The following ZNF420 variants were observed in gnomAD, a reference collection of about 807,000 sequenced individuals.
The protein encoded by ZNF420 is zinc finger protein 420, also known as ATM and p53-associated KZNF protein.
Under a neutral mutation model 44.7 loss-of-function variants are expected in ZNF420, and 31 were observed. The observed-to-expected ratio is 0.69, with a 90% confidence interval of 0.52 to 0.94. ZNF420 has a LOEUF of 0.94. Ranked by LOEUF, ZNF420 falls within the 40% of genes least tolerant of loss-of-function variation. ZNF420 has a pLI of 0.00. For missense variants in ZNF420, 681 were observed against 827.9 expected (o/e 0.82, Z 2.18); for synonymous variants, 245 against 267.4 (o/e 0.92, Z 0.82).
At chr19:37,008,219 G>T (rs1360230646) in intron 1 of ZNF420, 4 of 279,492 alleles carry the variant, frequency 1.4e-5, no homozygotes, top group South Asian at 3.3e-5. Context: ...TGGGGCGGGC[G>T]GGGGGGGATG....
intron 1 of ZNF420, among the ~76,000 whole-genome samples, chr19:37,048,413 A>T (rs191345793): frequency 3.3e-5 from 5 of 152,324 alleles, no homozygotes; most frequent in Middle Eastern, 6.8e-3. Flanking sequence ...AGAAATATTG[A>T]TTTATAACTG....
rs569860885 is a variant in ZNF420, at chr19:37,121,872, C to T, written c.137-5256C>T. On this transcript the variant is annotated intron_variant, in intron 4 of 4. Transcript: ENST00000337995. ...GCCAAAAAACACATGAAAAAATGCTCATCATCACTGGCCATCAGAGAAATG... is the reference window on the plus strand; with the variant it reads ...GCCAAAAAACACATGAAAAAATGCTTATCATCACTGGCCATCAGAGAAATG... Among the ~76,000 whole-genome samples the T allele has an allele frequency of 3.9e-4, 59 of 152,324 alleles. No individual in the cohort carries two copies. In the East Asian group the frequency reaches 0.011, roughly 27 times the overall value.
intron 2 of ZNF420, among the ~76,000 whole-genome samples, chr19:37,082,883 A>C (rs1968540900): frequency 6.6e-6 from 1 of 152,240 alleles, no homozygotes; most frequent in African/African-American, 2.4e-5. Flanking sequence ...TTTGTTTTAA[A>C]ATTACATAAC....
intron 1 of ZNF420, among the ~76,000 whole-genome samples, chr19:37,051,791 A>G (rs55924780): frequency 0.31 from 46,860 of 151,788 alleles, 7,512 homozygotes; most frequent in Non-Finnish European, 0.35. Flanking sequence ...TTGCTTCTCT[A>G]GTTCTTTTAA....
At chr19:37,064,466 A>T (rs8100387) in intron 1 of ZNF420, among the ~76,000 whole-genome samples, 2,725 of 152,198 alleles carry the variant, frequency 0.018, 71 homozygotes, top group African/African-American at 0.061. Flanking sequence ...CCCCTTACTT[A>T]CACATATAAA....
chr19:37,092,889 A>G (rs1196116581), intron 4 of ZNF420: 1 of 152,196 alleles, frequency 6.6e-6, no homozygotes, highest in African/African-American at 2.4e-5. Context: ...CAACTAATGA[A>G]TGGATAAAAT....
intron 1 of ZNF420, among the ~76,000 whole-genome samples, chr19:37,070,837 G>A (rs1215629904): frequency 6.6e-6 from 1 of 152,132 alleles, no homozygotes; most frequent in Non-Finnish European, 1.5e-5. Context: ...TATTTGCATG[G>A]TATATGTACT....
chr19:37,124,565 T>C (rs1002051777), intron 4 of ZNF420, among the ~76,000 whole-genome samples: 1 of 152,258 alleles, frequency 6.6e-6, no homozygotes, highest in Admixed American at 6.5e-5. Flanking sequence ...TCAGCAACAG[T>C]ATTTGAGAAT....
chr19:37,114,962 T>C (rs1191966137), intron 4 of ZNF420: 5 of 154,744 alleles, frequency 3.2e-5, no homozygotes, highest in African/African-American at 1.2e-4. Context: ...ATAGAGTGAT[T>C]AGATTTTTTT....
Position 37,128,935 on chromosome 19 carries a change from T to TG in ZNF420, c.1947dup (p.Lys650GlufsTer19). 1.2e-6 allele frequency: 2 copies of TG among 1,614,146 alleles called. No individual in the cohort carries two copies. Among genetic ancestry groups the TG allele is most frequent in the Non-Finnish European group, 8.5e-7 (1 of 1,180,006 alleles). ...AGAAACCATATCAATGTAAGGAATG[T>TG]GGGAAGGCCTTTACTCGTGGTTCAC... On this transcript the variant is annotated frameshift_variant, in exon 5 of 5. Transcript: ENST00000337995. LOFTEE classifies it high-confidence loss of function.
rs545722978 is a variant in ZNF420, at chr19:37,123,657, G to T, written c.137-3471G>T. Among the ~76,000 whole-genome samples, 13 of 137,548 alleles carry T rather than the reference G, an allele frequency of 9.5e-5. No individual in the cohort carries two copies. The East Asian group carries it at 2.8e-3, about 29-fold the overall frequency. The allele number at this position is 137,548 out of a possible 152,430, so 90.2% of individuals were successfully genotyped here. ...CTCGCTCTGTCACCCAGGCTGGAGT[G>T]CAGTGGTGCAATCTTGGCTCACTGC... On this transcript the variant is annotated intron_variant, in intron 4 of 4. Coordinates refer to ENST00000337995, the MANE Select transcript of ZNF420 (RefSeq NM_144689.5).
intron 1 of ZNF420, among the ~76,000 whole-genome samples, chr19:37,022,109 G>A (rs965847806): frequency 1.3e-5 from 2 of 151,560 alleles, no homozygotes; most frequent in Admixed American, 6.6e-5. Context: ...TTTTTGGGGA[G>A]ATGGACTCAT....
chr19:37,069,274 A>G (rs1411620298), intron 1 of ZNF420, among the ~76,000 whole-genome samples: 2 of 152,186 alleles, frequency 1.3e-5, no homozygotes, highest in East Asian at 3.8e-4. Flanking sequence ...AAAAGTAGCT[A>G]TGTTTGATAT....
chr19:37,064,410 G>T (rs1317773452), intron 1 of ZNF420, among the ~76,000 whole-genome samples: 1 of 152,070 alleles, frequency 6.6e-6, no homozygotes, highest in Non-Finnish European at 1.5e-5. Flanking sequence ...AGCCCCTCCT[G>T]TGTGGGTTTT....
chr19:37,082,803 G>A (rs1025467446), intron 2 of ZNF420, among the ~76,000 whole-genome samples: 2 of 152,220 alleles, frequency 1.3e-5, no homozygotes, highest in Non-Finnish European at 2.9e-5. Flanking sequence ...AGCTGGAAAT[G>A]CAGTTATGCT....
Position 37,078,588 on chromosome 19 carries a change from G to C in ZNF420, c.-125+18G>C, listed in dbSNP as rs1039358907. On this transcript the variant is annotated intron_variant, in intron 1 of 4. Coordinates refer to ENST00000337995, the MANE Select transcript of ZNF420 (RefSeq NM_144689.5). ...CTGTCAAGGTAGGAGTGTCCGGGAT[G>C]CCGGAGCGGACACGCGCGGAGAAAG... The C allele has an allele frequency of 6.6e-6, 1 of 152,326 alleles. No homozygotes were observed. The highest frequency in any genetic ancestry group is 1.5e-5 in the Non-Finnish European group (1 of 68,090). 9.4% of individuals were successfully genotyped at this position (152,326 alleles called of 1,614,324 possible). A position where few individuals can be genotyped will look rare whatever the true frequency, so the allele number is the denominator to read the frequency against.
chr19:37,035,651 A>G (rs1192149127), intron 1 of ZNF420, among the ~76,000 whole-genome samples: 1 of 152,230 alleles, frequency 6.6e-6, no homozygotes, highest in African/African-American at 2.4e-5. Context: ...CTGTTGGGCC[A>G]TGGTCAGGTT....
chr19:37,095,029 G>A, intron 4 of ZNF420, among the ~76,000 whole-genome samples: 1 of 151,824 alleles, frequency 6.6e-6, no homozygotes, highest in Middle Eastern at 3.2e-3. Flanking sequence ...TACTCAGGAG[G>A]CTGAGGCAGG....
Position 37,129,047 on chromosome 19 carries a change from GT to G in ZNF420, c.2059del (p.Tyr687ThrfsTer12), listed in dbSNP as rs1444427924. The G allele has an allele frequency of 6.2e-7, 1 of 1,609,438 alleles. No homozygotes were observed. Among genetic ancestry groups the G allele is most frequent in the East Asian group, 2.2e-5 (1 of 44,798 alleles). On this transcript the variant is annotated frameshift_variant, in exon 5 of 5. Transcript: ENST00000337995. LOFTEE classifies it high-confidence loss of function. ...GATTGACTTTAGTCATGGCTCACAAGTTTACATGTGAATTGTCTGATTATTT... is the reference window on the plus strand; with the variant it reads ...GATTGACTTTAGTCATGGCTCACAAGTTACATGTGAATTGTCTGATTATTT... ...CGIDFSHGSQ[V>X]YM
Sources: gnomAD v4.1 joint callset for allele counts (sites outside exome capture counted in the v4.1 genomes callset) on GRCh38, gnomAD v4.1.1 for gene constraint, MANE v1.5 for transcripts, NCBI Gene and HGNC (gene_info 2026-07-23, HGNC 2026-07-21) for gene names.